The following CNTNAP2 variants were observed in gnomAD, a reference collection of about 807,000 sequenced individuals.
CNTNAP2 encodes contactin associated protein 2.
A neutral mutation model predicts 155.2 loss-of-function variants in CNTNAP2; 98 were observed. The ratio of observed to expected loss-of-function variants is 0.63; its 90% CI spans 0.54 to 0.75. The LOEUF is 0.75. Ranked by LOEUF, CNTNAP2 falls within the 30% of genes least tolerant of loss-of-function variation. The pLI, the probability that CNTNAP2 is intolerant of heterozygous loss-of-function variation, is 0.00. For synonymous variants in CNTNAP2, 651 were observed against 631.2 expected (o/e 1.03, Z -0.47); for missense variants, 1,727 against 1,688.1 (o/e 1.02, Z -0.40).
At chr7:147,152,348 C>T (rs75831681) in intron 8 of CNTNAP2, among the ~76,000 whole-genome samples, 1 of 151,870 alleles carries the variant, frequency 6.6e-6, no homozygotes, top group East Asian at 1.9e-4. Flanking sequence ...AACCTGAATG[C>T]CTGGGTTCAA....
At chr7:148,071,290 A>G (rs1389255910) in intron 15 of CNTNAP2, among the ~76,000 whole-genome samples, 1 of 152,188 alleles carries the variant, frequency 6.6e-6, no homozygotes, top group Non-Finnish European at 1.5e-5. Flanking sequence ...CAGTCTGGCC[A>G]ACATGGTGAG....
intron 15 of CNTNAP2, among the ~76,000 whole-genome samples, chr7:148,000,662 C>G (rs1225441010): frequency 1.3e-5 from 2 of 152,156 alleles, no homozygotes; most frequent in East Asian, 3.9e-4. Flanking sequence ...AAAACTAGTT[C>G]TTTTGTATAA....
At chr7:147,463,188 A>G (rs1798055359) in intron 10 of CNTNAP2, among the ~76,000 whole-genome samples, 1 of 152,198 alleles carries the variant, frequency 6.6e-6, no homozygotes, top group African/African-American at 2.4e-5. Flanking sequence ...AGGATTAAGG[A>G]TATTAATCTT....
intron 15 of CNTNAP2, among the ~76,000 whole-genome samples, chr7:148,082,613 G>T (rs762793901): frequency 2.0e-5 from 3 of 152,148 alleles, no homozygotes; most frequent in Non-Finnish European, 4.4e-5. Flanking sequence ...GGATTCGCAG[G>T]TTTAAGGAGA....
In CNTNAP2 at chr7:147,868,961, C is replaced by T. The variant is rs374986169; in HGVS notation, c.2099-34604C>T. ...GCAACGCCTGCCCTACTTCAGCTCA[C>T]CCTCCATGGGCTGCACCCACTGTCC... On this transcript the variant is annotated intron_variant, in intron 13 of 23. Transcript: ENST00000361727. Among the ~76,000 whole-genome samples the T allele has an allele frequency of 1.2e-4, 18 of 152,342 alleles. 1 individual carries two copies. The highest frequency in any genetic ancestry group is 9.7e-4 in the East Asian group (5 of 5,178).
At chr7:146,969,786 A>G (rs1231369354) in intron 3 of CNTNAP2, among the ~76,000 whole-genome samples, 1 of 152,186 alleles carries the variant, frequency 6.6e-6, no homozygotes, top group Non-Finnish European at 1.5e-5. Context: ...AGCTGGAGGT[A>G]TCACGCTACC....
chr7:146,363,618 A>T (rs1378478935), intron 1 of CNTNAP2, among the ~76,000 whole-genome samples: 2 of 152,154 alleles, frequency 1.3e-5, no homozygotes, highest in Non-Finnish European at 2.9e-5. Context: ...CTAAGACAAA[A>T]TCAGAGGTCA....
chr7:147,701,563 C>T (rs1262106232), intron 13 of CNTNAP2, among the ~76,000 whole-genome samples: 1 of 152,092 alleles, frequency 6.6e-6, no homozygotes, highest in Non-Finnish European at 1.5e-5. Context: ...AGAAATTTGT[C>T]TTCTAACGGC....
At chr7:147,248,989 T>A (rs1335107649) in intron 8 of CNTNAP2, among the ~76,000 whole-genome samples, 1 of 152,094 alleles carries the variant, frequency 6.6e-6, no homozygotes, top group Non-Finnish European at 1.5e-5. Flanking sequence ...GAAAAAAAAC[T>A]TGATATTTAA....
intron 8 of CNTNAP2, among the ~76,000 whole-genome samples, chr7:147,166,165 A>G (rs913026711): frequency 2.6e-5 from 4 of 151,304 alleles, no homozygotes; most frequent in Admixed American, 2.6e-4. Context: ...TAAAGAAATT[A>G]TGAGATAGAT....
chr7:147,869,521 G>A (rs1422826487), intron 13 of CNTNAP2, among the ~76,000 whole-genome samples: 2 of 152,222 alleles, frequency 1.3e-5, no homozygotes, highest in African/African-American at 2.4e-5. Context: ...AACCCTGGAA[G>A]AGGGAGAATC....
chr7:147,988,598 A>C (rs1801659521), intron 15 of CNTNAP2, among the ~76,000 whole-genome samples: 1 of 150,178 alleles, frequency 6.7e-6, no homozygotes, highest in South Asian at 2.1e-4. Flanking sequence ...AGACTTAAAA[A>C]AAAACAATCA....
intron 1 of CNTNAP2, among the ~76,000 whole-genome samples, chr7:146,355,670 A>G (rs1363194268): frequency 6.6e-6 from 1 of 152,202 alleles, no homozygotes. Flanking sequence ...GTTAGATACT[A>G]TAAGTGCATA....
intron 1 of CNTNAP2, among the ~76,000 whole-genome samples, chr7:146,410,453 G>A (rs1004173124): frequency 6.6e-6 from 1 of 152,030 alleles, no homozygotes; most frequent in African/African-American, 2.4e-5. Flanking sequence ...TCAATTAAAT[G>A]GATATTATTG....
chr7:146,985,143 G>T (rs765186858), intron 3 of CNTNAP2, among the ~76,000 whole-genome samples: 1 of 152,058 alleles, frequency 6.6e-6, no homozygotes, highest in African/African-American at 2.4e-5. Flanking sequence ...GATGAAAAGA[G>T]AATGTACACC....
intron 2 of CNTNAP2, among the ~76,000 whole-genome samples, chr7:146,813,891 C>T (rs1171770345): frequency 2.6e-5 from 4 of 152,110 alleles, no homozygotes; most frequent in Admixed American, 2.0e-4. Flanking sequence ...AGTGAGTTCT[C>T]ATGAGATCTG....
At chr7:148,123,696 G>A (rs997454835) in intron 16 of CNTNAP2, among the ~76,000 whole-genome samples, 1 of 149,738 alleles carries the variant, frequency 6.7e-6, no homozygotes, top group Non-Finnish European at 1.5e-5. Context: ...AAAAGAAAGA[G>A]AAAGAGAGAA....
intron 1 of CNTNAP2, among the ~76,000 whole-genome samples, chr7:146,200,513 C>T (rs957159831): frequency 5.1e-5 from 3 of 59,120 alleles, no homozygotes; most frequent in African/African-American, 1.4e-4. Context: ...TATATATACA[C>T]ACACACAGAC....
At chr7:146,302,419 A>G (rs909520682) in intron 1 of CNTNAP2, among the ~76,000 whole-genome samples, 3 of 152,178 alleles carry the variant, frequency 2.0e-5, no homozygotes, top group African/African-American at 4.8e-5. Context: ...TTAAGTGCCT[A>G]TTGTATGGCA....
Sources: allele counts gnomAD v4.1 joint callset (sites outside exome capture counted in the v4.1 genomes callset), GRCh38; gene constraint gnomAD v4.1.1; transcripts MANE v1.5; gene names NCBI Gene and HGNC (gene_info 2026-07-23, HGNC 2026-07-21).